Variants in FAM120C observed in about 807,000 individuals in gnomAD.
The protein encoded by FAM120C is constitutive coactivator of PPAR-gamma-like protein 2.
In FAM120C, 14 loss-of-function variants were observed where a neutral mutation model predicts 71.2. That is an observed-to-expected ratio of 0.20 (90% CI 0.13 to 0.31). The LOEUF (loss-of-function observed/expected upper bound fraction) is 0.31, where lower values mean the gene tolerates loss of function less well. Among genes scored for constraint, FAM120C ranks in the 10% least tolerant of loss-of-function variants. The pLI, the probability that FAM120C is intolerant of heterozygous loss-of-function variation, is 1.00. For synonymous variants in FAM120C, 354 were observed against 353.2 expected (o/e 1.00, Z -0.03); for missense variants, 500 against 879.0 (o/e 0.57, Z 5.45).
chrX:54,157,801 G>A (rs370417643), intron 2 of FAM120C, 30 bp from the exon 3 acceptor site: 1 of 1,065,469 alleles, frequency 9.4e-7, no homozygotes, highest in South Asian at 2.0e-5. Context: ...TTCATTGACT[G>A]TACAAATGTT....
intron 4 of FAM120C, among the ~76,000 whole-genome samples, chrX:54,150,207 T>C (rs1319169552): frequency 8.9e-6 from 1 of 112,167 alleles, no homozygotes; most frequent in East Asian, 2.8e-4. Context: ...CCTAGCCTAC[T>C]GAACATCACA....
Position 54,182,956 on chromosome X carries a change from C to T in FAM120C, c.243G>A (p.Pro81=), listed in dbSNP as rs1557137756. ...ALGAYSGGAG[P]TRHHHPAHHF... is the part of the protein sequence containing the mutation. ...GGTGAGCGGGGTGATGGTGCCGAGT[C>T]GGCCCCGCGCCCCCGGAGTAGGCAC... The change falls in exon 1 of 16, where the codon CCG becomes CCA. Residue 81 remains proline, a synonymous_variant. Coordinates refer to ENST00000375180, the MANE Select transcript of FAM120C (RefSeq NM_017848.6). 8.6e-7 allele frequency: 1 copy of T among 1,160,883 alleles called. No individual in the cohort carries two copies. The highest frequency in any genetic ancestry group is 1.1e-6 in the Non-Finnish European group (1 of 871,405).
chrX:54,086,754 CAAAA>C (rs60485302), intron 12 of FAM120C, among the ~76,000 whole-genome samples: 6 of 58,143 alleles, frequency 1.0e-4, no homozygotes, highest in Middle Eastern at 0.014. Context: ...GAATCTGTCT[CAAAA>C]AAAAAAAAAA....
intron 9 of FAM120C, among the ~76,000 whole-genome samples, chrX:54,118,848 A>C (rs1376619225): frequency 2.2e-5 from 1 of 44,719 alleles, no homozygotes. Context: ...ATATCTCCCA[A>C]TGCTATCCCT....
chrX:54,108,047 C>G (rs2146583178), intron 10 of FAM120C, among the ~76,000 whole-genome samples: 1 of 105,123 alleles, frequency 9.5e-6, no homozygotes, highest in African/African-American at 3.5e-5. Flanking sequence ...AACCAGCATT[C>G]AAACTAAGGT....
At chrX:54,114,225 T>G (rs1449175354) in intron 10 of FAM120C, among the ~76,000 whole-genome samples, 2 of 110,557 alleles carry the variant, frequency 1.8e-5, no homozygotes, top group East Asian at 5.7e-4. Context: ...TGTGTGCACA[T>G]GGACGTAGAC....
chrX:54,168,417 G>A (rs1201319392), intron 1 of FAM120C, among the ~76,000 whole-genome samples: 1 of 112,104 alleles, frequency 8.9e-6, no homozygotes, highest in Non-Finnish European at 1.9e-5. Context: ...TTACAGGCAT[G>A]AGCCACTGCA....
chrX:54,081,673 C>T (rs782322269), intron 13 of FAM120C, among the ~76,000 whole-genome samples: 2 of 105,986 alleles, frequency 1.9e-5, no homozygotes, highest in African/African-American at 6.9e-5. Context: ...ACTCGGGAGG[C>T]GGAGGCACGA....
chrX:54,157,901 C>T (rs2067217554), intron 2 of FAM120C, 130 bp from the exon 3 acceptor site: 2 of 460,250 alleles, frequency 4.3e-6, no homozygotes, highest in East Asian at 7.5e-5. Context: ...GTAATACTTA[C>T]AGTAGTTCTG....
intron 2 of FAM120C, among the ~76,000 whole-genome samples, chrX:54,158,535 G>T (rs894215103): frequency 1.8e-5 from 2 of 112,010 alleles, no homozygotes; most frequent in Non-Finnish European, 3.8e-5. Flanking sequence ...TTGGGAGGCC[G>T]AGGCGGGTGG....
chrX:54,117,782 T>C (rs782480410), intron 9 of FAM120C, among the ~76,000 whole-genome samples: 51 of 111,799 alleles, frequency 4.6e-4, no homozygotes, highest in African/African-American at 1.6e-3. Context: ...CTCTGAATCT[T>C]ATTTTTTCAG....
intron 1 of FAM120C, 69 bp downstream of exon 1, chrX:54,182,431 G>A: frequency 2.7e-6 from 3 of 1,100,770 alleles, no homozygotes; most frequent in Non-Finnish European, 2.4e-6. Flanking sequence ...AAGTGGGTAG[G>A]TGGTTAGGTA....
intron 9 of FAM120C, among the ~76,000 whole-genome samples, chrX:54,131,767 T>TC (rs2067068297): frequency 1.9e-5 from 2 of 105,888 alleles, no homozygotes; most frequent in Non-Finnish European, 3.9e-5. Context: ...TTTCTTTCTT[T>TC]TTTTTTTTTT....
intron 1 of FAM120C, among the ~76,000 whole-genome samples, chrX:54,169,530 T>C (rs1018114940): frequency 8.1e-5 from 9 of 111,754 alleles, no homozygotes; most frequent in Non-Finnish European, 1.5e-4. Context: ...GCAATACTGC[T>C]TTCTGACCTC....
intron 4 of FAM120C, among the ~76,000 whole-genome samples, chrX:54,149,808 A>T (rs911767579): frequency 1.2e-4 from 13 of 111,860 alleles, no homozygotes; most frequent in Non-Finnish European, 2.3e-4. Flanking sequence ...CTGTATTCTT[A>T]TTGTGATGAT....
intron 3 of FAM120C, among the ~76,000 whole-genome samples, chrX:54,152,416 C>T: frequency 9.0e-6 from 1 of 111,453 alleles, no homozygotes; most frequent in Non-Finnish European, 1.9e-5. Context: ...TGCCACCATG[C>T]CCGGCTAATT....
chrX:54,135,466 T>C (rs1253722829), intron 6 of FAM120C, 62 bp downstream of exon 6: 25 of 1,001,637 alleles, frequency 2.5e-5, no homozygotes, highest in Non-Finnish European at 3.5e-5. Flanking sequence ...ACTCCTCAGA[T>C]TATAAAAATC....
intron 10 of FAM120C, among the ~76,000 whole-genome samples, chrX:54,115,000 C>T (rs1557126433): frequency 2.7e-5 from 3 of 110,944 alleles, no homozygotes; most frequent in Non-Finnish European, 5.7e-5. Context: ...CTCAAGTGAT[C>T]CACCCACCTT....
chrX:54,149,198 C>T (rs1297589856), intron 4 of FAM120C, among the ~76,000 whole-genome samples: 2 of 112,087 alleles, frequency 1.8e-5, no homozygotes, highest in South Asian at 3.6e-4. Flanking sequence ...TATTCTTTAA[C>T]GGGTAAATGT....
Sources: allele counts gnomAD v4.1 joint callset (sites outside exome capture counted in the v4.1 genomes callset), GRCh38; gene constraint gnomAD v4.1.1; transcripts MANE v1.5; gene names NCBI Gene and HGNC (gene_info 2026-07-23, HGNC 2026-07-21).